Variants in ALK observed in about 807,000 individuals in gnomAD.
ALK encodes ALK tyrosine kinase receptor.
In ALK, 74 loss-of-function variants were observed where a neutral mutation model predicts 163.1. The observed-to-expected ratio is 0.45, with a 90% CI of 0.38 to 0.55. The LOEUF (loss-of-function observed/expected upper bound fraction) is 0.55, where lower values mean the gene tolerates loss of function less well. Among genes scored for constraint, ALK ranks in the 20% least tolerant of loss-of-function variants. The pLI, the probability that ALK is intolerant of heterozygous loss-of-function variation, is 0.00. For synonymous variants in ALK, 960 were observed against 843.2 expected, an observed-to-expected ratio of 1.14 and a Z score of -2.40; for missense variants, 2,063 against 2,105.3, an observed-to-expected ratio of 0.98 and a Z score of 0.39.
chr2:29,604,608 C>T (rs1380651757), intron 3 of ALK, among the ~76,000 whole-genome samples: 1 of 152,160 alleles, frequency 6.6e-6, no homozygotes, highest in Non-Finnish European at 1.5e-5. Flanking sequence ...GAACACCTCC[C>T]TGAGAAAAGA....
chr2:29,747,240 A>T (rs1342783432), intron 1 of ALK, among the ~76,000 whole-genome samples: 1 of 152,236 alleles, frequency 6.6e-6, no homozygotes, highest in East Asian at 1.9e-4. Context: ...TCAGGGCTTT[A>T]TTCACAACAA....
chr2:29,262,021 G>T (rs1665100414), intron 11 of ALK, among the ~76,000 whole-genome samples: 1 of 152,220 alleles, frequency 6.6e-6, no homozygotes, highest in African/African-American at 2.4e-5. Context: ...TGAATGAACA[G>T]GGTTGAGAAT....
intron 5 of ALK, among the ~76,000 whole-genome samples, chr2:29,382,283 G>C (rs1053001647): frequency 1.3e-5 from 2 of 152,212 alleles, no homozygotes; most frequent in Non-Finnish European, 2.9e-5. Context: ...TGTAAAGATA[G>C]AAAAGCAGAC....
chr2:29,862,231 C>T (rs1666314248), intron 1 of ALK, among the ~76,000 whole-genome samples: 1 of 152,158 alleles, frequency 6.6e-6, no homozygotes, highest in Non-Finnish European at 1.5e-5. Flanking sequence ...GATGCCTACT[C>T]TGACCATTTC....
At chr2:29,740,695 A>T (rs937795848) in intron 1 of ALK, among the ~76,000 whole-genome samples, 1 of 152,210 alleles carries the variant, frequency 6.6e-6, no homozygotes. Flanking sequence ...GATATCATTC[A>T]GCGCTCAAAA....
At chr2:29,211,859 A>T (rs567065836) in intron 24 of ALK, among the ~76,000 whole-genome samples, 17 of 152,364 alleles carry the variant, frequency 1.1e-4, no homozygotes, top group African/African-American at 4.1e-4. Flanking sequence ...TTAATTTCTT[A>T]AAAAGGAGAA....
At chr2:29,378,031 C>T (rs954832757) in intron 5 of ALK, among the ~76,000 whole-genome samples, 4 of 152,250 alleles carry the variant, frequency 2.6e-5, no homozygotes, top group East Asian at 3.9e-4. Context: ...TTGTAGGTTC[C>T]TGAAAGAGAA....
Position 29,328,606 on chromosome 2 carries a change from C to T in ALK, c.1283-125G>A, listed in dbSNP as rs1667346769. On this transcript the variant is annotated intron_variant, in intron 5 of 28. Coordinates refer to ENST00000389048, the MANE Select transcript of ALK (RefSeq NM_004304.5). ...TTATCCTGCCCTGCCATTCACACTC[C>T]AAGGCCTGATTGAGACATCTGCATC... is the stretch of plus-strand genomic sequence containing the variant. The T allele has an allele frequency of 6.1e-6, 8 of 1,309,314 alleles. No individual in the cohort carries two copies. In the South Asian group the frequency reaches 9.9e-5, roughly 16 times the overall value. The allele number at this position is 1,309,314 out of a possible 1,614,324, so 81.1% of individuals were successfully genotyped here.
intron 1 of ALK, among the ~76,000 whole-genome samples, chr2:29,883,237 A>G (rs1378984512): frequency 6.6e-6 from 1 of 152,202 alleles, no homozygotes; most frequent in Non-Finnish European, 1.5e-5. Context: ...GGTCAAAACA[A>G]TGGTTATCCA....
At chr2:29,814,668 G>GA (rs930059059) in intron 1 of ALK, among the ~76,000 whole-genome samples, 14 of 148,460 alleles carry the variant, frequency 9.4e-5, no homozygotes, top group Non-Finnish European at 1.2e-4. Flanking sequence ...TCCAAAAAAA[G>GA]AAAAAAAAAG....
intron 1 of ALK, among the ~76,000 whole-genome samples, chr2:29,739,165 G>A (rs1219228676): frequency 2.7e-5 from 4 of 147,918 alleles, no homozygotes; most frequent in African/African-American, 7.6e-5. Flanking sequence ...CTGGAGCCGA[G>A]GAGTTTGAGG....
chr2:29,268,050 C>G (rs568169372), intron 11 of ALK, among the ~76,000 whole-genome samples: 6 of 152,296 alleles, frequency 3.9e-5, no homozygotes, highest in East Asian at 1.9e-4. Flanking sequence ...TTTTCTCAGG[C>G]CAGCCAGGAG....
intron 5 of ALK, among the ~76,000 whole-genome samples, chr2:29,368,552 A>C (rs1292386467): frequency 6.6e-6 from 1 of 152,204 alleles, no homozygotes; most frequent in Admixed American, 6.5e-5. Flanking sequence ...TTGCAAAATC[A>C]AATTACCAGG....
chr2:29,297,778 C>T (rs537357091), intron 8 of ALK, among the ~76,000 whole-genome samples: 13 of 152,272 alleles, frequency 8.5e-5, no homozygotes, highest in African/African-American at 2.6e-4. Flanking sequence ...AACTAATAAC[C>T]TTTGTAAGAA....
intron 1 of ALK, among the ~76,000 whole-genome samples, chr2:29,882,569 C>T (rs1016062813): frequency 2.6e-5 from 4 of 152,126 alleles, no homozygotes; most frequent in African/African-American, 4.8e-5. Flanking sequence ...TGGTGCGCAC[C>T]TGTAGTCCCA....
chr2:29,642,498 C>G (rs546458405), intron 3 of ALK, among the ~76,000 whole-genome samples: 1 of 152,160 alleles, frequency 6.6e-6, no homozygotes, highest in Non-Finnish European at 1.5e-5. Flanking sequence ...AAAGGAAGCA[C>G]TAAAATCTCC....
At chr2:29,810,583 C>G (rs1462511648) in intron 1 of ALK, among the ~76,000 whole-genome samples, 1 of 152,126 alleles carries the variant, frequency 6.6e-6, no homozygotes, top group African/African-American at 2.4e-5. Flanking sequence ...GGGGCAGAGT[C>G]AGAAAATGCA....
intron 3 of ALK, among the ~76,000 whole-genome samples, chr2:29,684,373 C>T (rs147259750): frequency 2.0e-4 from 30 of 152,316 alleles, no homozygotes; most frequent in African/African-American, 5.8e-4. Flanking sequence ...TGTCAGCCAA[C>T]GCCAACCCAG....
At chr2:29,340,029 T>C (rs1308223716) in intron 5 of ALK, among the ~76,000 whole-genome samples, 1 of 152,220 alleles carries the variant, frequency 6.6e-6, no homozygotes, top group Non-Finnish European at 1.5e-5. Flanking sequence ...TGTGATCCTT[T>C]CCTAAGGTTT....
Sources: allele counts gnomAD v4.1 joint callset (sites outside exome capture counted in the v4.1 genomes callset), GRCh38; gene constraint gnomAD v4.1.1; transcripts MANE v1.5; gene names NCBI Gene and HGNC (gene_info 2026-07-23, HGNC 2026-07-21).